The following ZMYM1 variants were observed in gnomAD, a reference collection of about 807,000 sequenced individuals.
ZMYM1 encodes the protein zinc finger MYM-type protein 1.
ZMYM1 carries 39 observed loss-of-function variants against 60.0 expected under a neutral mutation model. The ratio of observed to expected loss-of-function variants is 0.65; its 90% confidence interval spans 0.50 to 0.85. The LOEUF is 0.85. Among genes scored for constraint, ZMYM1 ranks in the 40% least tolerant of loss-of-function variants. The pLI is 0.00. For synonymous variants in ZMYM1, 413 were observed against 454.0 expected, an observed-to-expected ratio of 0.91 and a Z score of 1.15; for missense variants, 1,171 against 1,309.5, an observed-to-expected ratio of 0.89 and a Z score of 1.63.
chr1:35,075,475 G>A (rs74224701), upstream of ZMYM1, among the ~76,000 whole-genome samples: 8,597 of 151,928 alleles, frequency 0.057, 548 homozygotes, highest in East Asian at 0.39. Flanking sequence ...AGGAAGCCCC[G>A]GATTGGTTTA....
chr1:35,096,492 C>A (rs1643331379), intron 3 of ZMYM1, among the ~76,000 whole-genome samples: 1 of 151,200 alleles, frequency 6.6e-6, no homozygotes, highest in Non-Finnish European at 1.5e-5. Context: ...TGTGGTGGTG[C>A]ATGCCTATAG....
At chr1:35,111,739 C>T in intron 7 of ZMYM1, 33 bp from the exon 8 acceptor site, 2 of 1,525,598 alleles carry the variant, frequency 1.3e-6, no homozygotes, top group African/African-American at 1.4e-5. Flanking sequence ...TTGATTTTGC[C>T]TTGTTTATAA....
In ZMYM1 at chr1:35,115,353, A is replaced by T. The variant is rs1441041382; in HGVS notation, c.*94A>T. 4 of 1,386,100 alleles carry T rather than the reference A, an allele frequency of 2.9e-6. No homozygotes were observed. The African/African-American group carries it at 4.4e-5, about 15-fold the overall frequency. The allele number at this position is 1,386,100 out of a possible 1,614,324, so 85.9% of individuals were successfully genotyped here. ...CAAAATTCAAAAGACACAGAACGATAAACAGTGAAGTCTCCTTCCCTCCTT... is the reference window on the plus strand; with the variant it reads ...CAAAATTCAAAAGACACAGAACGATTAACAGTGAAGTCTCCTTCCCTCCTT... On this transcript the variant is annotated 3_prime_UTR_variant, in exon 10 of 10. Coordinates refer to ENST00000359858, the MANE Select transcript of ZMYM1 (RefSeq NM_024772.5).
Position 35,095,800 on chromosome 1 carries a change from AT to A in ZMYM1, c.97-9del, listed in dbSNP as rs147012894. ...ATTGTATTCACTATTTTTAATTATT[AT>A]TTTTTTTTTCTTTTTAGGAGTATTG... On this transcript the variant is annotated intron_variant, in intron 2 of 9. Coordinates refer to ENST00000359858, the MANE Select transcript of ZMYM1 (RefSeq NM_024772.5). 4.9e-3 allele frequency: 6,918 copies of A among 1,412,236 alleles called. 122 individuals carry two copies. In the African/African-American group the frequency reaches 0.055, roughly 11 times the overall value. The allele number at this position is 1,412,236 out of a possible 1,614,324, so 87.5% of individuals were successfully genotyped here.
intron 4 of ZMYM1, among the ~76,000 whole-genome samples, chr1:35,099,288 T>C (rs1360263793): frequency 2.0e-5 from 3 of 152,190 alleles, no homozygotes; most frequent in Non-Finnish European, 4.4e-5. Context: ...TAGTCTTTTG[T>C]CTTTTTACTT....
In ZMYM1 at chr1:35,113,461, C is replaced by T. The variant is rs370461423; in HGVS notation, c.1631C>T (p.Ser544Leu). ...GTCAGTGACGATTTATCTATTCATT[C>T]GAAACAGATTGAGGGAAATAAAAAG... is the stretch of plus-strand genomic sequence containing the variant. ...GAVSDDLSIHSKQIEGNKKYL... is the reference protein window; with the variant it reads ...GAVSDDLSIHLKQIEGNKKYL... Residue 544 changes from serine to leucine, a missense_variant, in exon 10 of 10, where the codon TCG (serine) becomes TTG (leucine). Transcript: ENST00000359858. The T allele has an allele frequency of 9.0e-5, 145 of 1,612,922 alleles. 1 individual carries two copies. The highest frequency in any genetic ancestry group is 6.3e-4 in the African/African-American group (47 of 74,962).
intron 4 of ZMYM1, among the ~76,000 whole-genome samples, chr1:35,099,872 TG>T (rs1218971859): frequency 6.6e-6 from 1 of 152,044 alleles, no homozygotes; most frequent in Non-Finnish European, 1.5e-5. Flanking sequence ...TTTTCAGTTT[TG>T]TTTGTTTGTT....
At chr1:35,069,102 G>A (rs1198461075) in intron 1 of ZMYM1, among the ~76,000 whole-genome samples, 1 of 152,170 alleles carries the variant, frequency 6.6e-6, no homozygotes, top group Non-Finnish European at 1.5e-5. Flanking sequence ...CCAAAGTGCT[G>A]GGATTACAGG....
chr1:35,070,162 A>G (rs1642041815), intron 1 of ZMYM1, among the ~76,000 whole-genome samples: 1 of 152,166 alleles, frequency 6.6e-6, no homozygotes, highest in Non-Finnish European at 1.5e-5. Flanking sequence ...CATTAAATCT[A>G]TAGATTGCTT....
chr1:35,074,855 A>AT (rs35087634), upstream of ZMYM1, among the ~76,000 whole-genome samples: 1,269 of 147,794 alleles, frequency 8.6e-3, 6 homozygotes, highest in Middle Eastern at 0.014. Context: ...ACACATATAT[A>AT]TTTTTTTTTT....
At chr1:35,069,033 C>A (rs192699441) in intron 1 of ZMYM1, among the ~76,000 whole-genome samples, 382 of 152,146 alleles carry the variant, frequency 2.5e-3, no homozygotes, top group Admixed American at 4.0e-3. Flanking sequence ...GGGATTTCAC[C>A]ATGTAGGCCA....
intron 9 of ZMYM1, 39 bp from the exon 10 acceptor site, chr1:35,112,938 G>T: frequency 1.4e-6 from 2 of 1,445,498 alleles, no homozygotes; most frequent in African/African-American, 1.4e-5. Context: ...ATTAATTTTT[G>T]AAAACTGTTA....
Position 35,112,957 on chromosome 1 carries a change from T to A in ZMYM1, c.1147-20T>A. ...ATTTTTGAAAACTGTTAAATGTTCT[T>A]TTCTCATTTTCTCCCAAAGCTTTCT... On this transcript the variant is annotated intron_variant, in intron 9 of 9. Transcript: ENST00000359858. The A allele has an allele frequency of 6.7e-7, 1 of 1,503,208 alleles. No homozygotes were observed. The highest frequency in any genetic ancestry group is 2.4e-5 in the Admixed American group (1 of 40,992). The allele number at this position is 1,503,208 out of a possible 1,614,324, so 93.1% of individuals were successfully genotyped here.
At chr1:35,072,457 T>A (rs1642083956) in intron 1 of ZMYM1, among the ~76,000 whole-genome samples, 1 of 152,144 alleles carries the variant, frequency 6.6e-6, no homozygotes. Flanking sequence ...TTTGCTTGGT[T>A]AGTCTAGCTA....
intron 1 of ZMYM1, among the ~76,000 whole-genome samples, chr1:35,072,218 C>T (rs1260132168): frequency 1.3e-5 from 2 of 152,088 alleles, no homozygotes; most frequent in African/African-American, 2.4e-5. Context: ...TGATGGCAGA[C>T]TTTTTATTAC....
At chr1:35,084,126 G>A (rs536681624) in intron 1 of ZMYM1, among the ~76,000 whole-genome samples, 17 of 150,716 alleles carry the variant, frequency 1.1e-4, no homozygotes, top group Non-Finnish European at 2.2e-4. Flanking sequence ...GATATTCATC[G>A]ATTGAATTCT....
At chr1:35,118,357 C>T (rs531158749), downstream of ZMYM1, among the ~76,000 whole-genome samples, 1 of 152,088 alleles carries the variant, frequency 6.6e-6, no homozygotes, top group South Asian at 2.1e-4. Flanking sequence ...CTAAAGTCAG[C>T]TTGGTCAACC....
At chr1:35,118,260 GAAAAT>G (rs1638534811), downstream of ZMYM1, among the ~76,000 whole-genome samples, 5 of 132,726 alleles carry the variant, frequency 3.8e-5, no homozygotes, top group Non-Finnish European at 8.4e-5. Flanking sequence ...AAAAAAAAAA[GAAAAT>G]AGAAGTTAAC....
chr1:35,072,393 T>C (rs1642082988), intron 1 of ZMYM1, among the ~76,000 whole-genome samples: 1 of 152,220 alleles, frequency 6.6e-6, no homozygotes, highest in Admixed American at 6.6e-5. Flanking sequence ...GTGATATCAG[T>C]TGCAGTGTCT....
Sources: gnomAD v4.1 joint callset for allele counts (sites outside exome capture counted in the v4.1 genomes callset) on GRCh38, gnomAD v4.1.1 for gene constraint, MANE v1.5 for transcripts, NCBI Gene and HGNC (gene_info 2026-07-23, HGNC 2026-07-21) for gene names.